The following REPS1 variants were observed in gnomAD, a reference collection of about 807,000 sequenced individuals.
The protein encoded by REPS1 is ralBP1-associated Eps domain-containing protein 1.
REPS1 carries 39 observed loss-of-function variants against 100.9 expected under a neutral mutation model. That is an observed-to-expected ratio of 0.39 (90% CI 0.30 to 0.50). REPS1 has a LOEUF of 0.50. Ranked by LOEUF, REPS1 falls within the 20% of genes least tolerant of loss-of-function variation. The pLI is 0.86. For synonymous variants in REPS1, 324 were observed against 340.3 expected, an observed-to-expected ratio of 0.95 and a Z score of 0.53; for missense variants, 821 against 968.5, an observed-to-expected ratio of 0.85 and a Z score of 2.02.
chr6:138,942,105 A>G (rs1227980922), intron 7 of REPS1, among the ~76,000 whole-genome samples: 2 of 152,126 alleles, frequency 1.3e-5, no homozygotes, highest in Non-Finnish European at 2.9e-5. Flanking sequence ...TTGGGCTCCC[A>G]AAGTGCTGGG....
At chr6:138,940,426 T>C (rs1782160648) in intron 8 of REPS1, among the ~76,000 whole-genome samples, 1 of 152,228 alleles carries the variant, frequency 6.6e-6, no homozygotes, top group Non-Finnish European at 1.5e-5. Context: ...TACTAATTTT[T>C]AGCCCTTGAT....
intron 1 of REPS1, among the ~76,000 whole-genome samples, chr6:138,958,571 C>T (rs762262848): frequency 6.6e-6 from 1 of 152,044 alleles, no homozygotes; most frequent in Non-Finnish European, 1.5e-5. Context: ...GGTTCAACTC[C>T]CACTTATGAG....
intron 8 of REPS1, among the ~76,000 whole-genome samples, chr6:138,935,856 C>CGGG (rs1449985583): frequency 1.8e-3 from 4 of 2,184 alleles, no homozygotes; most frequent in African/African-American, 2.5e-3. Flanking sequence ...TCCATCTTGG[C>CGGG]GGGGGGGGGG....
intron 19 of REPS1, among the ~76,000 whole-genome samples, chr6:138,905,857 T>G (rs1779612904): frequency 6.6e-6 from 1 of 152,220 alleles, no homozygotes. Context: ...AGAATAACTT[T>G]GCATTCAGAA....
chr6:138,953,707 A>G (rs1215596640), intron 1 of REPS1, among the ~76,000 whole-genome samples: 2 of 150,570 alleles, frequency 1.3e-5, no homozygotes, highest in Non-Finnish European at 3.0e-5. Context: ...AATGCTGGCG[A>G]GGATGCAGAA....
At chr6:138,917,672 C>T (rs1434898683) in intron 12 of REPS1, 45 bp from the exon 13 acceptor site, 2 of 1,509,106 alleles carry the variant, frequency 1.3e-6, no homozygotes, top group South Asian at 1.1e-5. Context: ...CATTTCTTTA[C>T]TTTTTGCTCT....
chr6:138,907,774 T>C (rs1216146819), intron 18 of REPS1, among the ~76,000 whole-genome samples, 174 bp from the exon 19 acceptor site: 1 of 150,680 alleles, frequency 6.6e-6, no homozygotes, highest in African/African-American at 2.4e-5. Context: ...TTCAGCACTA[T>C]AGGAAAGGTT....
At chr6:138,950,750 C>G (rs1243414473) in intron 1 of REPS1, among the ~76,000 whole-genome samples, 1 of 152,086 alleles carries the variant, frequency 6.6e-6, no homozygotes, top group African/African-American at 2.4e-5. Flanking sequence ...TCTAAATAAT[C>G]CTTAGAATCA....
At chr6:138,982,581 C>G (rs1289747633) in intron 1 of REPS1, among the ~76,000 whole-genome samples, 2 of 152,140 alleles carry the variant, frequency 1.3e-5, no homozygotes, top group African/African-American at 4.8e-5. Flanking sequence ...TTGGGAAAAG[C>G]TGACTTTTAA....
At chr6:138,920,632 C>CA (rs1421111880) in intron 11 of REPS1, among the ~76,000 whole-genome samples, 2 of 151,768 alleles carry the variant, frequency 1.3e-5, no homozygotes, top group Admixed American at 6.6e-5. Flanking sequence ...CTGACTTACA[C>CA]AAAAAAAATC....
chr6:138,943,670 G>T (rs1453954857), intron 6 of REPS1, 94 bp from the exon 7 acceptor site: 4 of 1,085,046 alleles, frequency 3.7e-6, no homozygotes, highest in African/African-American at 1.6e-5. Flanking sequence ...ACTGGGAAAA[G>T]ATATTTTTAA....
rs572187033 is a variant in REPS1 at position 138,945,744 on chromosome 6, T to C, written c.278-47A>G. ...TTACTTCAAAATAAAAAAGGACATA[T>C]ATATTGAAAACTAAAATAAGACATG... On this transcript the variant is annotated intron_variant, in intron 2 of 19. Transcript: ENST00000450536. 5.8e-6 allele frequency: 8 copies of C among 1,389,632 alleles called. No individual in the cohort carries two copies. The South Asian group carries it at 8.0e-5, about 14-fold the overall frequency. 86.1% of individuals were successfully genotyped at this position (1,389,632 alleles called of 1,614,324 possible).
chr6:138,944,766 T>G, intron 4 of REPS1, 144 bp from the exon 5 acceptor site: 1 of 696,966 alleles, frequency 1.4e-6, no homozygotes, highest in East Asian at 2.8e-5. Flanking sequence ...ATACCTCATT[T>G]AAATATCTTC....
chr6:138,929,981 C>T lies in REPS1; in HGVS notation c.1253G>A (p.Ser418Asn). Residue 418 changes from serine to asparagine, a missense_variant, in exon 9 of 20, where the codon AGT (serine) becomes AAT (asparagine). This residue lies in a region of REPS1 where 757 missense variants were observed against 866.4 expected (regional missense o/e 0.87). Coordinates refer to ENST00000450536, the MANE Select transcript of REPS1 (RefSeq NM_001286611.2). ...GAAAAGGAAAGCTTTGCTAACCTCACTGCTCTGATTCAGCTCAGGCCATGT... is the reference window on the plus strand; with the variant it reads ...GAAAAGGAAAGCTTTGCTAACCTCATTGCTCTGATTCAGCTCAGGCCATGT... The part of the protein sequence containing the change: ...NQTWPELNQS[S>N]EQWETFSERS... 1 of 1,613,384 alleles carries T rather than the reference C, an allele frequency of 6.2e-7. No homozygotes were observed. The highest frequency in any genetic ancestry group is 8.5e-7 in the Non-Finnish European group (1 of 1,179,494).
Position 138,908,669 on chromosome 6 carries a change from T to C in REPS1, c.2215A>G (p.Arg739Gly), listed in dbSNP as rs771711034. 3.1e-6 allele frequency: 5 copies of C among 1,614,090 alleles called. No homozygotes were observed. The Admixed American group carries it at 5.0e-5, about 16-fold the overall frequency. The change falls in exon 18 of 20, where the codon AGA becomes GGA. Residue 739 changes from arginine (R) to glycine (G), a missense_variant and splice_region_variant. Physicochemically the swap from Arg to Gly is moderately radical, Grantham distance 125. Around this residue, in one of 3 missense-constraint regions of REPS1, gnomAD observed 757 missense variants for 866.4 expected, o/e 0.87. Coordinates refer to ENST00000450536, the MANE Select transcript of REPS1 (RefSeq NM_001286611.2). ...AVLASQPSIP[R>G]SVGKDKKAIQ... ...GTGTCTAGGAATAGCTTTGATTACC[T>C]GGGAATAGAAGGTTGTGATGCAAGA...
intron 7 of REPS1, among the ~76,000 whole-genome samples, chr6:138,942,687 C>G (rs1364606236): frequency 6.6e-6 from 1 of 152,152 alleles, no homozygotes; most frequent in East Asian, 1.9e-4. Context: ...AGCAATCTGC[C>G]TGCCTTGGCT....
intron 6 of REPS1, 120 bp downstream of exon 6, chr6:138,943,733 C>A: frequency 9.4e-7 from 1 of 1,061,032 alleles, no homozygotes. Context: ...TCTTTTTAGA[C>A]AAATAATCTG....
At chr6:138,934,433 C>T (rs935446958) in intron 8 of REPS1, 2 of 433,722 alleles carry the variant, frequency 4.6e-6, no homozygotes. Flanking sequence ...AAGAGACAAC[C>T]CAGTATGATC....
In REPS1 at chr6:138,918,093, T is replaced by TTGTG. The variant is rs372510753; in HGVS notation, c.1529-470_1529-467dup. ...TGCATGCGTGTGTGTGTGTGTATGT[T>TTGTG]TGTGTGTGTGTGTGTGCGTGTGTAT... On this transcript the variant is annotated intron_variant, in intron 12 of 19. Coordinates refer to ENST00000450536, the MANE Select transcript of REPS1 (RefSeq NM_001286611.2). Among the ~76,000 whole-genome samples the TTGTG allele has an allele frequency of 7.2e-3, 1,084 of 150,234 alleles. 12 individuals are homozygous for TTGTG. The highest frequency in any genetic ancestry group is 0.024 in the African/African-American group (993 of 40,920).
Sources: allele counts gnomAD v4.1 joint callset (sites outside exome capture counted in the v4.1 genomes callset), GRCh38; gene constraint gnomAD v4.1.1; regional missense constraint gnomAD v4.1.1; transcripts MANE v1.5; gene names NCBI Gene and HGNC (gene_info 2026-07-23, HGNC 2026-07-21).